Variants in ERLIN1 observed in about 807,000 individuals in gnomAD.
The protein encoded by ERLIN1 is erlin-1.
Under a neutral mutation model 46.9 loss-of-function variants are expected in ERLIN1, and 24 were observed. The ratio of observed to expected loss-of-function variants is 0.51; its 90% CI spans 0.37 to 0.72. ERLIN1 has a LOEUF of 0.72. Among genes scored for constraint, ERLIN1 ranks in the 30% least tolerant of loss-of-function variants. ERLIN1 has a pLI of 0.00. For missense variants in ERLIN1, 293 were observed against 417.9 expected (o/e 0.70, Z 2.61); for synonymous variants, 158 against 143.2 (o/e 1.10, Z -0.74).
chr10:100,154,155 C>T (rs1319886763), intron 10 of ERLIN1, among the ~76,000 whole-genome samples: 1 of 152,174 alleles, frequency 6.6e-6, no homozygotes, highest in African/African-American at 2.4e-5. Flanking sequence ...AGAATACTAT[C>T]GGAGTTCTAG....
At chr10:100,162,746 C>G (rs898265929) in intron 8 of ERLIN1, among the ~76,000 whole-genome samples, 1 of 152,100 alleles carries the variant, frequency 6.6e-6, no homozygotes, top group Non-Finnish European at 1.5e-5. Context: ...TTTGATTCAA[C>G]AGACATAAAA....
intron 4 of ERLIN1, 89 bp from the exon 5 acceptor site, chr10:100,176,159 A>G: frequency 8.8e-7 from 1 of 1,142,290 alleles, no homozygotes; most frequent in Non-Finnish European, 1.2e-6. Flanking sequence ...AGGGTGATAT[A>G]TTACACATGA....
rs1330810736 is a variant in ERLIN1 at position 100,185,631 on chromosome 10, G to C, written c.-5C>G. The C allele has an allele frequency of 1.2e-6, 2 of 1,612,498 alleles. No homozygotes were observed. Among genetic ancestry groups the C allele is most frequent in the East Asian group, 2.2e-5 (1 of 44,878 alleles). Reference sequence around the variant, plus strand: ...CCGGGCTTGAGTCATATTCATTCTCGTTCCTCCTGGGAGCGGGAGAAAAGG... The same window carrying C: ...CCGGGCTTGAGTCATATTCATTCTCCTTCCTCCTGGGAGCGGGAGAAAAGG... On this transcript the variant is annotated 5_prime_UTR_variant, in exon 1 of 11. Transcript: ENST00000421367.
chr10:100,171,734 T>C (rs1007365515), intron 6 of ERLIN1, among the ~76,000 whole-genome samples: 1 of 152,112 alleles, frequency 6.6e-6, no homozygotes, highest in Non-Finnish European at 1.5e-5. Flanking sequence ...TAAAATCAGT[T>C]AGAAAAACCA....
At position 100,151,760 on chromosome 10, in the gene ERLIN1, T is replaced by G. The variant is rs4919428; in HGVS notation, c.*371A>C. The G allele has an allele frequency of 0.055, 18,090 of 326,392 alleles. 969 individuals carry two copies. Among genetic ancestry groups the G allele is most frequent in the African/African-American group, 0.16 (7,522 of 46,620 alleles). 20.2% of individuals were successfully genotyped at this position (326,392 alleles called of 1,614,324 possible). A position where few individuals can be genotyped will look rare whatever the true frequency, so the allele number is the denominator to read the frequency against. ...TCATCTCTTGAATGGTGGCTGAGCA[T>G]ACATTTCCCCGGGGGACGAATGTAA... On this transcript the variant is annotated 3_prime_UTR_variant, in exon 11 of 11. Transcript: ENST00000421367.
At chr10:100,162,486 G>C (rs56344025) in intron 8 of ERLIN1, among the ~76,000 whole-genome samples, 7,447 of 152,216 alleles carry the variant, frequency 0.049, 605 homozygotes, top group African/African-American at 0.17. Context: ...AGAAGTACTT[G>C]AGAGAGCAAT....
rs543960752 is a variant in ERLIN1, at chr10:100,156,149, G to C, written c.741C>G (p.Ile247Met). ...EKETEKRISE[I>M]EDAAFLAREK... ...CATCCTCTCCCCACAATGTACCTTC[G>C]ATTTCAGAAATGCGCTTTTCAGTTT... is the stretch of plus-strand genomic sequence containing the variant. Residue 247 changes from isoleucine (I) to methionine (M), a missense_variant, in exon 9 of 11, where the codon ATC becomes ATG. Ile to Met is a conservative substitution (Grantham distance 10). Coordinates refer to ENST00000421367, the MANE Select transcript of ERLIN1 (RefSeq NM_006459.4). 2.5e-6 allele frequency: 4 copies of C among 1,609,062 alleles called. No homozygotes were observed. The highest frequency in any genetic ancestry group is 1.7e-5 in the Admixed American group (1 of 59,774).
At chr10:100,177,572 C>G (rs1437543412) in intron 4 of ERLIN1, among the ~76,000 whole-genome samples, 1 of 152,194 alleles carries the variant, frequency 6.6e-6, no homozygotes, top group Non-Finnish European at 1.5e-5. Context: ...TCTGTACATA[C>G]TAGACATGCC....
intron 6 of ERLIN1, among the ~76,000 whole-genome samples, chr10:100,172,675 T>C (rs926054529): frequency 6.6e-6 from 1 of 152,208 alleles, no homozygotes; most frequent in African/African-American, 2.4e-5. Context: ...TTGCTTCCAA[T>C]GTTGGTGAGT....
At chr10:100,183,612 C>T (rs1401308591) in intron 2 of ERLIN1, 144 bp downstream of exon 2, 3 of 539,084 alleles carry the variant, frequency 5.6e-6, no homozygotes, top group Non-Finnish European at 6.7e-6. Context: ...GTTGTAACAA[C>T]TGTACTCTGA....
At chr10:100,182,436 G>A (rs1844714480) in intron 2 of ERLIN1, among the ~76,000 whole-genome samples, 1 of 152,152 alleles carries the variant, frequency 6.6e-6, no homozygotes, top group Non-Finnish European at 1.5e-5. Flanking sequence ...TTTCACAGAA[G>A]ACTAACTGAA....
chr10:100,174,819 A>C (rs184336866), intron 5 of ERLIN1, among the ~76,000 whole-genome samples: 1 of 152,342 alleles, frequency 6.6e-6, no homozygotes, highest in East Asian at 1.9e-4. Context: ...ACAGAGAGAG[A>C]AGCTCATAGA....
At chr10:100,168,417 C>T (rs911812398) in intron 6 of ERLIN1, among the ~76,000 whole-genome samples, 4 of 152,142 alleles carry the variant, frequency 2.6e-5, no homozygotes, top group South Asian at 2.1e-4. Context: ...ATGGAATAAG[C>T]AGCTGAAGGC....
chr10:100,156,767 C>G (rs1843102240), intron 8 of ERLIN1, among the ~76,000 whole-genome samples: 2 of 152,172 alleles, frequency 1.3e-5, no homozygotes, highest in African/African-American at 4.8e-5. Context: ...AACCCCAGCA[C>G]TTTGGGAGGC....
rs542417847 is a variant in ERLIN1, at chr10:100,178,807, G to A, written c.242+394C>T. 6.6e-5 allele frequency among the ~76,000 whole-genome samples: 10 copies of A among 152,248 alleles called. No individual in the cohort carries two copies. The East Asian group carries it at 1.9e-3, about 29-fold the overall frequency. On this transcript the variant is annotated intron_variant, in intron 3 of 10. Coordinates refer to ENST00000421367, the MANE Select transcript of ERLIN1 (RefSeq NM_006459.4). ...CTGCCTTTATAAAGGAGGAAACTAA[G>A]CTTTAAAGTGTCAATAAAGGAATGT...
chr10:100,185,685 C>G lies in ERLIN1; in HGVS notation c.-59G>C. 7.2e-7 allele frequency: 1 copy of G among 1,395,002 alleles called. No homozygotes were observed. The highest frequency in any genetic ancestry group is 1.0e-6 in the Non-Finnish European group (1 of 983,072). The allele number at this position is 1,395,002 out of a possible 1,614,324, so 86.4% of individuals were successfully genotyped here. On this transcript the variant is annotated 5_prime_UTR_variant, in exon 1 of 11. Coordinates refer to ENST00000421367, the MANE Select transcript of ERLIN1 (RefSeq NM_006459.4). Reference sequence around the variant, plus strand: ...CTCAGTCCCGTGAGTGACAGGTCCACCCCCTCCAGTTTCTACCCTCTCCCT... The same window carrying G: ...CTCAGTCCCGTGAGTGACAGGTCCAGCCCCTCCAGTTTCTACCCTCTCCCT...
At chr10:100,174,956 C>T (rs1198872806) in intron 5 of ERLIN1, among the ~76,000 whole-genome samples, 2 of 152,232 alleles carry the variant, frequency 1.3e-5, no homozygotes, top group Non-Finnish European at 2.9e-5. Context: ...TCAGTTTCCT[C>T]ACATGCCACT....
intron 8 of ERLIN1, among the ~76,000 whole-genome samples, chr10:100,158,150 C>T (rs1843171492): frequency 6.6e-6 from 1 of 152,072 alleles, no homozygotes; most frequent in African/African-American, 2.4e-5. Flanking sequence ...AGGACTAAGA[C>T]CCTTGCATAA....
At chr10:100,162,566 T>C (rs956259908) in intron 8 of ERLIN1, among the ~76,000 whole-genome samples, 2 of 152,222 alleles carry the variant, frequency 1.3e-5, no homozygotes, top group African/African-American at 4.8e-5. Context: ...ATAGCTATTC[T>C]AGAGCAGTGC....
Sources: allele counts gnomAD v4.1 joint callset (sites outside exome capture counted in the v4.1 genomes callset), GRCh38; gene constraint gnomAD v4.1.1; transcripts MANE v1.5; gene names NCBI Gene and HGNC (gene_info 2026-07-23, HGNC 2026-07-21).